Variants in SMC6 observed in about 807,000 individuals in gnomAD.
The protein encoded by SMC6 is structural maintenance of chromosomes protein 6.
Under a neutral mutation model 142.2 loss-of-function variants are expected in SMC6, and 79 were observed. The ratio of observed to expected loss-of-function variants is 0.56; its 90% confidence interval spans 0.46 to 0.67. The LOEUF is 0.67. Ranked by LOEUF, SMC6 falls within the 30% of genes least tolerant of loss-of-function variation. SMC6 has a pLI of 0.00. For synonymous variants in SMC6, 411 were observed against 412.4 expected (o/e 1.00, Z 0.04); for missense variants, 1,072 against 1,284.0 (o/e 0.83, Z 2.52).
intron 23 of SMC6, among the ~76,000 whole-genome samples, chr2:17,691,109 C>A (rs1667691262): frequency 6.6e-6 from 1 of 151,106 alleles, no homozygotes; most frequent in Non-Finnish European, 1.5e-5. Flanking sequence ...GAGGAAATAT[C>A]TATGTACCAA....
At chr2:17,693,714 G>A (rs554584233) in intron 23 of SMC6, among the ~76,000 whole-genome samples, 1 of 151,868 alleles carries the variant, frequency 6.6e-6, no homozygotes, top group East Asian at 1.9e-4. Context: ...AAAAGAATGA[G>A]GCCAGGCGTG....
Position 17,697,142 on chromosome 2 carries a change from A to T in SMC6, c.2395-716T>A, listed in dbSNP as rs1331716640. Among the ~76,000 whole-genome samples, 6 of 152,250 alleles carry T rather than the reference A, an allele frequency of 3.9e-5. No individual in the cohort carries two copies. The East Asian group carries it at 7.7e-4, about 20-fold the overall frequency. On this transcript the variant is annotated intron_variant, in intron 21 of 27. Transcript: ENST00000448223. ...AAATATAGAATGCTTTCTTTCTAAG[A>T]ACAAGAGCAAGGTAAGGACTTCCAG...
chr2:17,673,574 AAAT>A lies in SMC6; in HGVS notation c.2911-3002_2911-3000del, dbSNP rs1558324733. On this transcript the variant is annotated intron_variant, in intron 25 of 27. Transcript: ENST00000448223. ...TATTTAAAAAAAAATTTTTTTTTTTAAATTTTTTTTTTGAGACAGAGTTTCGCT... is the reference window on the plus strand; with the variant it reads ...TATTTAAAAAAAAATTTTTTTTTTTATTTTTTTTTGAGACAGAGTTTCGCT... 1.8e-4 allele frequency among the ~76,000 whole-genome samples: 27 copies of A among 149,724 alleles called. 1 individual carries two copies. Among genetic ancestry groups the A allele is most frequent in the African/African-American group, 6.7e-4 (27 of 40,576 alleles).
chr2:17,681,980 C>G (rs924609673), intron 24 of SMC6: 3 of 152,030 alleles, frequency 2.0e-5, no homozygotes, highest in African/African-American at 7.2e-5. Flanking sequence ...ACTGTAAGAT[C>G]AGTACTTTAA....
intron 26 of SMC6, among the ~76,000 whole-genome samples, chr2:17,667,268 T>C (rs1435033052): frequency 6.6e-6 from 1 of 152,220 alleles, no homozygotes; most frequent in African/African-American, 2.4e-5. Flanking sequence ...TTAAAAAGTC[T>C]GCCTCTCCCC....
intron 26 of SMC6, among the ~76,000 whole-genome samples, chr2:17,670,051 T>C (rs1052911814): frequency 6.6e-6 from 1 of 152,170 alleles, no homozygotes; most frequent in Admixed American, 6.5e-5. Flanking sequence ...GTGGCTAGGG[T>C]GAGTCAAAGC....
At chr2:17,716,971 A>C in intron 13 of SMC6, 66 bp from the exon 14 acceptor site, 1 of 1,534,030 alleles carries the variant, frequency 6.5e-7, no homozygotes, top group Non-Finnish European at 8.8e-7. Flanking sequence ...TAAAGAACAC[A>C]AACCGATGTA....
intron 12 of SMC6, 128 bp downstream of exon 12, chr2:17,717,949 G>A (rs1051114727): frequency 2.1e-6 from 2 of 932,128 alleles, no homozygotes; most frequent in Non-Finnish European, 1.5e-6. Flanking sequence ...TGGCGCCATA[G>A]CACTCCAGCC....
chr2:17,721,319 T>C (rs1669364873), intron 9 of SMC6, 58 bp from the exon 10 acceptor site: 7 of 1,478,268 alleles, frequency 4.7e-6, no homozygotes, highest in African/African-American at 1.4e-5. Context: ...AAACACATTT[T>C]TGCAAATCTA....
intron 23 of SMC6, among the ~76,000 whole-genome samples, chr2:17,685,013 TA>T (rs1667386563): frequency 6.7e-6 from 1 of 150,300 alleles, no homozygotes; most frequent in East Asian, 2.0e-4. Context: ...AACCTCCTCC[TA>T]AAAAGAACAC....
chr2:17,691,630 A>G (rs1209558854), intron 23 of SMC6, among the ~76,000 whole-genome samples: 3 of 152,018 alleles, frequency 2.0e-5, no homozygotes, highest in Non-Finnish European at 2.9e-5. Flanking sequence ...CAAAAACTGG[A>G]AGCATTCCCT....
chr2:17,729,901 A>G (rs1378860547), intron 7 of SMC6, among the ~76,000 whole-genome samples: 1 of 152,202 alleles, frequency 6.6e-6, no homozygotes, highest in African/African-American at 2.4e-5. Context: ...TGAATAGCAT[A>G]GATACAGGAC....
chr2:17,731,225 A>C (rs1383140666), intron 6 of SMC6, 86 bp from the exon 7 acceptor site: 1 of 875,294 alleles, frequency 1.1e-6, no homozygotes, highest in East Asian at 2.5e-5. Flanking sequence ...AAATATAAAT[A>C]TTAGTTAGCT....
chr2:17,669,790 T>C (rs1488266782), intron 26 of SMC6, among the ~76,000 whole-genome samples: 1 of 152,222 alleles, frequency 6.6e-6, no homozygotes, highest in African/African-American at 2.4e-5. Flanking sequence ...GAGAACTTAC[T>C]ATATGCCTGA....
chr2:17,683,975 G>A (rs549098420), intron 23 of SMC6, among the ~76,000 whole-genome samples: 4 of 152,146 alleles, frequency 2.6e-5, no homozygotes, highest in African/African-American at 9.7e-5. Flanking sequence ...GACAGGGAAG[G>A]AACAAGGTCC....
In SMC6 at chr2:17,669,509, C is replaced by A. The variant is rs186971890; in HGVS notation, c.3063+914G>T. ...AACAAAGATCTCAAACGTTTAAGGG[C>A]AACAGAATTAGGGGAGGCAGCTTGG... On this transcript the variant is annotated intron_variant, in intron 26 of 27. Transcript: ENST00000448223. Among the ~76,000 whole-genome samples the A allele has an allele frequency of 9.5e-4, 144 of 152,120 alleles. 2 individuals are homozygous for A. Among genetic ancestry groups the A allele is most frequent in the East Asian group, 2.1e-3 (11 of 5,182 alleles).
rs1572288072 is a variant in SMC6 at position 17,700,443 on chromosome 2, A to G, written c.2224-65T>C. 5 of 1,290,838 alleles carry G rather than the reference A, an allele frequency of 3.9e-6. No individual in the cohort carries two copies. The East Asian group carries it at 1.3e-4, about 33-fold the overall frequency. The allele number at this position is 1,290,838 out of a possible 1,614,324, so 80.0% of individuals were successfully genotyped here. On this transcript the variant is annotated intron_variant, in intron 20 of 27. Transcript: ENST00000448223. ...CTTTAAGTTTTCAAATAGAAGAAAC[A>G]TAAAAATAATTCTGAGAGAGGAGAA...
chr2:17,735,117 A>T (rs1354736955), intron 5 of SMC6, among the ~76,000 whole-genome samples: 1 of 146,908 alleles, frequency 6.8e-6, no homozygotes. Context: ...CTGCTAAACA[A>T]ACAAAAAAAA....
chr2:17,726,555 C>T, intron 7 of SMC6, 86 bp from the exon 8 acceptor site: 2 of 1,087,876 alleles, frequency 1.8e-6, no homozygotes, highest in South Asian at 3.0e-5. Flanking sequence ...TACAAGTGAC[C>T]TATGGTGCCA....
Sources: allele counts gnomAD v4.1 joint callset (sites outside exome capture counted in the v4.1 genomes callset), GRCh38; gene constraint gnomAD v4.1.1; transcripts MANE v1.5; gene names NCBI Gene and HGNC (gene_info 2026-07-23, HGNC 2026-07-21).